Variants in CCSER1 observed in about 807,000 individuals in gnomAD.
CCSER1 encodes serine-rich coiled-coil domain-containing protein 1.
In CCSER1, 41 loss-of-function variants were observed where a neutral mutation model predicts 82.0. That is an observed-to-expected ratio of 0.50 (90% confidence interval 0.39 to 0.65). The LOEUF is 0.65. Among genes scored for constraint, CCSER1 ranks in the 30% least tolerant of loss-of-function variants. The probability of loss-of-function intolerance (pLI) is 0.00; values close to 1 mark genes in which losing one functional copy is unlikely to be tolerated. For synonymous variants in CCSER1, 414 were observed against 383.9 expected (o/e 1.08, Z -0.92); for missense variants, 1,119 against 1,064.2 (o/e 1.05, Z -0.72).
At chr4:90,737,060 TACTA>T (rs1458392305) in intron 7 of CCSER1, among the ~76,000 whole-genome samples, 3 of 152,168 alleles carry the variant, frequency 2.0e-5, no homozygotes, top group African/African-American at 4.8e-5. Flanking sequence ...TTATATCTTA[TACTA>T]ACTATGTCTT....
chr4:91,223,614 A>T (rs1737923891), intron 10 of CCSER1, among the ~76,000 whole-genome samples: 1 of 152,028 alleles, frequency 6.6e-6, no homozygotes. Context: ...AGTTTTTAGG[A>T]GGGAAAACAT....
chr4:90,568,458 A>T (rs1176452786), intron 5 of CCSER1, among the ~76,000 whole-genome samples: 2 of 151,874 alleles, frequency 1.3e-5, no homozygotes, highest in Non-Finnish European at 2.9e-5. Context: ...TGTGTATTTT[A>T]TCTGATTTAA....
chr4:90,382,154 A>G (rs541164070), intron 3 of CCSER1, among the ~76,000 whole-genome samples: 1 of 152,212 alleles, frequency 6.6e-6, no homozygotes, highest in South Asian at 2.1e-4. Flanking sequence ...CTTTATATCA[A>G]ATAGGTAAGT....
intron 10 of CCSER1, among the ~76,000 whole-genome samples, chr4:91,322,998 G>A (rs1171610173): frequency 6.6e-6 from 1 of 152,176 alleles, no homozygotes; most frequent in Admixed American, 6.5e-5. Context: ...TTAAGATACA[G>A]TAAGATCTGC....
intron 5 of CCSER1, among the ~76,000 whole-genome samples, chr4:90,568,403 A>G (rs768468073): frequency 1.4e-3 from 216 of 152,274 alleles, no homozygotes; most frequent in Middle Eastern, 3.4e-3. Flanking sequence ...CCCCTTTATC[A>G]TGATATAATG....
intron 10 of CCSER1, among the ~76,000 whole-genome samples, chr4:91,292,480 C>A (rs1000071655): frequency 6.6e-6 from 1 of 151,626 alleles, no homozygotes; most frequent in Non-Finnish European, 1.5e-5. Context: ...TATTTTAAGT[C>A]CATTCTTCAA....
At chr4:91,277,702 A>G (rs1366614571) in intron 10 of CCSER1, among the ~76,000 whole-genome samples, 8 of 150,058 alleles carry the variant, frequency 5.3e-5, no homozygotes, top group Non-Finnish European at 1.0e-4. Context: ...TATGACTTTT[A>G]TTATTTCATT....
intron 1 of CCSER1, among the ~76,000 whole-genome samples, chr4:90,254,122 A>G (rs943038311): frequency 6.6e-6 from 1 of 152,174 alleles, no homozygotes; most frequent in African/African-American, 2.4e-5. Context: ...TCATGAAGCT[A>G]TCTGTCTCCT....
chr4:91,241,347 A>G (rs1456111209), intron 10 of CCSER1, among the ~76,000 whole-genome samples: 85 of 136,122 alleles, frequency 6.2e-4, no homozygotes, highest in Non-Finnish European at 1.1e-3. Flanking sequence ...TTTTTTTGAG[A>G]CGGAGTCTTG....
At chr4:90,623,594 A>G (rs1203691647) in intron 5 of CCSER1, among the ~76,000 whole-genome samples, 1 of 152,222 alleles carries the variant, frequency 6.6e-6, no homozygotes, top group Non-Finnish European at 1.5e-5. Flanking sequence ...ATAACTTGTC[A>G]CATGTAGATT....
chr4:90,834,075 T>C (rs1041170227), intron 8 of CCSER1, among the ~76,000 whole-genome samples: 2 of 152,192 alleles, frequency 1.3e-5, no homozygotes, highest in Admixed American at 1.3e-4. Flanking sequence ...CAGTATTCTC[T>C]TATAGCAACA....
At chr4:91,417,293 CT>C (rs1219301757) in intron 10 of CCSER1, among the ~76,000 whole-genome samples, 1 of 152,088 alleles carries the variant, frequency 6.6e-6, no homozygotes, top group Non-Finnish European at 1.5e-5. Context: ...TGATTTCTCA[CT>C]GATCTAGAAG....
chr4:91,513,540 A>G (rs1759941407), intron 10 of CCSER1, among the ~76,000 whole-genome samples: 1 of 152,094 alleles, frequency 6.6e-6, no homozygotes, highest in African/African-American at 2.4e-5. Flanking sequence ...AGGATCAGTA[A>G]CAGCTCTTAT....
chr4:91,288,534 A>G (rs1185735288), intron 10 of CCSER1, among the ~76,000 whole-genome samples: 2 of 152,004 alleles, frequency 1.3e-5, no homozygotes, highest in Non-Finnish European at 2.9e-5. Flanking sequence ...CAGGCTCTTT[A>G]TAGACCTCAC....
At chr4:91,594,263 A>T (rs1578879966) in intron 10 of CCSER1, among the ~76,000 whole-genome samples, 1 of 151,018 alleles carries the variant, frequency 6.6e-6, no homozygotes, top group East Asian at 1.9e-4. Flanking sequence ...GGGCCAAGGC[A>T]ACCAAATCCA....
chr4:90,953,641 T>C lies in CCSER1; in HGVS notation c.2172+30194T>C, dbSNP rs542351951. Among the ~76,000 whole-genome samples the C allele has an allele frequency of 4.6e-5, 7 of 151,928 alleles. No individual in the cohort carries two copies. The South Asian group carries it at 1.2e-3, about 27-fold the overall frequency. On this transcript the variant is annotated intron_variant, in intron 9 of 10. Transcript: ENST00000509176. ...ATGTTAATATAGTTAAATATAAATATTCTTTACTTATTTATCCTTTGGATA... is the reference window on the plus strand; with the variant it reads ...ATGTTAATATAGTTAAATATAAATACTCTTTACTTATTTATCCTTTGGATA...
At chr4:91,142,628 G>A (rs184229845) in intron 10 of CCSER1, among the ~76,000 whole-genome samples, 10 of 152,246 alleles carry the variant, frequency 6.6e-5, no homozygotes, top group Non-Finnish European at 4.4e-5. Context: ...TCCACCTAGA[G>A]TTAATTCTTG....
chr4:90,650,228 A>G (rs1461882016), intron 6 of CCSER1, among the ~76,000 whole-genome samples: 1 of 152,078 alleles, frequency 6.6e-6, no homozygotes, highest in East Asian at 1.9e-4. Flanking sequence ...AAAACAAACA[A>G]ACAAACAAAC....
chr4:90,378,791 G>A (rs1217532094), intron 3 of CCSER1, among the ~76,000 whole-genome samples: 1 of 152,134 alleles, frequency 6.6e-6, no homozygotes, highest in Non-Finnish European at 1.5e-5. Context: ...TAAATGTGCA[G>A]ATACCCTAGA....
Sources: allele counts gnomAD v4.1 joint callset (sites outside exome capture counted in the v4.1 genomes callset), GRCh38; gene constraint gnomAD v4.1.1; transcripts MANE v1.5; gene names NCBI Gene and HGNC (gene_info 2026-07-23, HGNC 2026-07-21).